Variants in KNL1 observed in about 807,000 individuals in gnomAD.
The protein encoded by KNL1 is kinetochore scaffold 1.
In KNL1, 66 loss-of-function variants were observed where a neutral mutation model predicts 201.3. The observed-to-expected ratio is 0.33, with a 90% CI of 0.27 to 0.40. KNL1 has a LOEUF of 0.40. KNL1 is among the 10% of genes least tolerant of loss of function. The probability of loss-of-function intolerance (pLI) is 1.00; values close to 1 mark genes in which losing one functional copy is unlikely to be tolerated. For missense variants in KNL1, 2,815 were observed against 2,690.5 expected (o/e 1.05, Z -1.02); for synonymous variants, 895 against 899.2 (o/e 1.00, Z 0.08).
chr15:40,628,261 T>G, intron 11 of KNL1, 53 bp downstream of exon 11: 1 of 1,510,870 alleles, frequency 6.6e-7, no homozygotes. Context: ...ACTTAACTAA[T>G]AATAAGTAGT....
intron 14 of KNL1, chr15:40,643,438 A>G (rs1276421018): frequency 6.6e-6 from 1 of 152,228 alleles, no homozygotes; most frequent in Non-Finnish European, 1.5e-5. Flanking sequence ...TCCTGGGATT[A>G]CAGGCGTGAA....
chr15:40,660,451 G>A (rs957821409), intron 25 of KNL1, among the ~76,000 whole-genome samples: 1 of 151,788 alleles, frequency 6.6e-6, no homozygotes, highest in Non-Finnish European at 1.5e-5. Context: ...TGGATCACGA[G>A]GTCAGGAGTT....
At position 40,622,247 on chromosome 15, in the gene KNL1, T is replaced by C. The variant is rs373221642; in HGVS notation, c.1983T>C (p.Asp661=). The change falls in exon 10 of 26, where the codon GAT becomes GAC. Residue 661 remains aspartate (D), a synonymous_variant. Transcript: ENST00000399668. ...ATAAAGATTCTCCTCAGTCAGCTGA[T>C]TGTAATCAGGAGATAGCAACAAGCC... The part of the protein sequence containing the change: ...YLDKDSPQSA[D]CNQEIATSHN... The C allele has an allele frequency of 2.7e-5, 44 of 1,613,946 alleles. No individual in the cohort carries two copies. Among genetic ancestry groups the C allele is most frequent in the South Asian group, 1.1e-5 (1 of 91,082 alleles).
intron 1 of KNL1, among the ~76,000 whole-genome samples, chr15:40,595,751 G>A (rs1216362516): frequency 6.6e-6 from 1 of 152,094 alleles, no homozygotes; most frequent in East Asian, 1.9e-4. Flanking sequence ...TCATTATTGT[G>A]ACCAAAGAAC....
At chr15:40,654,380 G>A (rs1365734535) in intron 21 of KNL1, among the ~76,000 whole-genome samples, 1 of 152,000 alleles carries the variant, frequency 6.6e-6, no homozygotes, top group African/African-American at 2.4e-5. Flanking sequence ...AAATATAGCT[G>A]TGTACTACCT....
chr15:40,620,331 G>A (rs536072283), intron 9 of KNL1, among the ~76,000 whole-genome samples: 368 of 151,684 alleles, frequency 2.4e-3, no homozygotes, highest in Non-Finnish European at 3.7e-3. Context: ...TCAGCCTCCC[G>A]AGTAGCTGGG....
chr15:40,660,582 T>C (rs1362098830), intron 25 of KNL1, among the ~76,000 whole-genome samples: 3 of 149,934 alleles, frequency 2.0e-5, no homozygotes, highest in African/African-American at 4.9e-5. Context: ...AGAGAATTGC[T>C]TGAACCCAGG....
chr15:40,609,244 CAAAAAAA>C (rs35081212), intron 5 of KNL1, among the ~76,000 whole-genome samples: 48 of 52,104 alleles, frequency 9.2e-4, no homozygotes, highest in East Asian at 1.7e-3. Flanking sequence ...CCCATCTCTA[CAAAAAAA>C]AAAAAAAAAA....
At chr15:40,639,990 T>C (rs983269427) in intron 13 of KNL1, among the ~76,000 whole-genome samples, 4 of 152,188 alleles carry the variant, frequency 2.6e-5, no homozygotes, top group Non-Finnish European at 1.5e-5. Flanking sequence ...GGAAGATCGC[T>C]TGAGCCTAGG....
intron 7 of KNL1, among the ~76,000 whole-genome samples, chr15:40,614,119 A>G (rs1173999994): frequency 4.8e-5 from 6 of 124,716 alleles, no homozygotes; most frequent in Non-Finnish European, 1.0e-4. Flanking sequence ...TTTTTTTGAG[A>G]TGGAGTCTTG....
intron 10 of KNL1, among the ~76,000 whole-genome samples, chr15:40,626,647 T>G (rs907300990): frequency 6.6e-6 from 1 of 152,066 alleles, no homozygotes; most frequent in Non-Finnish European, 1.5e-5. Flanking sequence ...TGGCGCGATC[T>G]CGGCTCACTG....
At chr15:40,598,116 G>C (rs906110320) in intron 1 of KNL1, among the ~76,000 whole-genome samples, 16 of 151,492 alleles carry the variant, frequency 1.1e-4, no homozygotes, top group Admixed American at 1.1e-3. Flanking sequence ...GGATGTTGTG[G>C]TGAGCTGAGA....
At chr15:40,602,299 C>CTG in intron 1 of KNL1, among the ~76,000 whole-genome samples, 2 of 117,220 alleles carry the variant, frequency 1.7e-5, no homozygotes, top group African/African-American at 3.3e-5. Flanking sequence ...TCCCAAAGTG[C>CTG]TGTATTTTTT....
intron 6 of KNL1, among the ~76,000 whole-genome samples, chr15:40,611,107 TA>T (rs1260904053): frequency 4.7e-5 from 3 of 63,994 alleles, no homozygotes; most frequent in African/African-American, 1.7e-4. Context: ...AATTTTATTG[TA>T]TTTTTTTTTT....
In KNL1 at chr15:40,622,513, A is replaced by T. The variant is rs1892575052; in HGVS notation, c.2249A>T (p.Asp750Val). The change falls in exon 10 of 26, where the codon GAC becomes GTC. Residue 750 changes from aspartate (D) to valine (V), a missense_variant. Asp to Val is a radical substitution (Grantham distance 152). Around this residue, in one of 3 missense-constraint regions of KNL1, gnomAD observed 2,464 missense variants for 2,291.7 expected, o/e 1.08. Transcript: ENST00000399668. Reference sequence around the variant, plus strand: ...AATCCCACACCTGACTATTGCCATGACAAGATGATTATATGTTCAGAGGAA... The same window carrying T: ...AATCCCACACCTGACTATTGCCATGTCAAGATGATTATATGTTCAGAGGAA... ...LSNPTPDYCH[D>V]KMIICSEEEQ... is the part of the protein sequence containing the mutation. 1 of 1,613,994 alleles carries T rather than the reference A, an allele frequency of 6.2e-7. No individual in the cohort carries two copies. The highest frequency in any genetic ancestry group is 8.5e-7 in the Non-Finnish European group (1 of 1,179,908).
Position 40,624,542 on chromosome 15 carries a change from A to G in KNL1, c.4278A>G (p.Pro1426=). 1.2e-6 allele frequency: 2 copies of G among 1,613,898 alleles called. No homozygotes were observed. Among genetic ancestry groups the G allele is most frequent in the Non-Finnish European group, 1.7e-6 (2 of 1,179,890 alleles). ...LNSKRVSFKL[P]KDQMKVYVDD... ...CAAAGCGAGTATCTTTTAAGCTTCCAAAGGATCAAATGAAAGTCTATGTTG... is the reference window on the plus strand; with the variant it reads ...CAAAGCGAGTATCTTTTAAGCTTCCGAAGGATCAAATGAAAGTCTATGTTG... Residue 1426 remains proline, a synonymous_variant, in exon 10 of 26, where the codon CCA becomes CCG. Transcript: ENST00000399668.
rs750453352 is a variant in KNL1, at chr15:40,621,351, G to A, written c.1087G>A (p.Val363Ile). The change falls in exon 10 of 26, where the codon GTT becomes ATT. Residue 363 changes from valine to isoleucine, a missense_variant. Val to Ile is a conservative substitution (Grantham distance 29). Transcript: ENST00000399668. The part of the protein sequence containing the change: ...YGTKASGNKT[V>I]FKSKQNTAFQ... ...AACTAAAGCTTCAGGAAATAAAACAGTTTTTAAGAGTAAACAAAATACTGC... is the reference window on the plus strand; with the variant it reads ...AACTAAAGCTTCAGGAAATAAAACAATTTTTAAGAGTAAACAAAATACTGC... 6.2e-7 allele frequency: 1 copy of A among 1,611,848 alleles called. No individual in the cohort carries two copies. The highest frequency in any genetic ancestry group is 1.7e-5 in the Admixed American group (1 of 59,636).
In KNL1 at chr15:40,628,059, G is replaced by A; in HGVS notation, c.5377-11G>A. On this transcript the variant is annotated splice_polypyrimidine_tract_variant and intron_variant, in intron 10 of 25. Transcript: ENST00000399668. ...TTTATTCTGATGATATTCCTTAATT[G>A]ACAATTTCAGATTTTTGATCACCAT... 6.4e-7 allele frequency: 1 copy of A among 1,572,816 alleles called. No individual in the cohort carries two copies.
intron 8 of KNL1, among the ~76,000 whole-genome samples, chr15:40,616,570 TTC>T (rs1595921155): frequency 6.6e-6 from 1 of 152,232 alleles, no homozygotes; most frequent in African/African-American, 2.4e-5. Context: ...TTGGCCTACT[TTC>T]TGTTTTGTCT....
Sources: allele counts gnomAD v4.1 joint callset (sites outside exome capture counted in the v4.1 genomes callset), GRCh38; gene constraint gnomAD v4.1.1; regional missense constraint gnomAD v4.1.1; transcripts MANE v1.5; gene names NCBI Gene and HGNC (gene_info 2026-07-23, HGNC 2026-07-21).